The following SMPD3 variants were observed in gnomAD, a reference collection of about 807,000 sequenced individuals.
SMPD3 encodes sphingomyelin phosphodiesterase 3, also known as nSMase-2.
In SMPD3, 21 loss-of-function variants were observed where a neutral mutation model predicts 55.7. The ratio of observed to expected loss-of-function variants is 0.38; its 90% CI spans 0.27 to 0.54. The LOEUF is 0.54. Among genes scored for constraint, SMPD3 ranks in the 20% least tolerant of loss-of-function variants. The pLI is 0.80. For missense variants in SMPD3, 842 were observed against 899.6 expected (o/e 0.94, Z 0.82); for synonymous variants, 457 against 404.3 (o/e 1.13, Z -1.56).
Position 68,361,586 on chromosome 16 carries a change from G to A in SMPD3, c.1866+17C>T. 1 of 1,604,702 alleles carries A rather than the reference G, an allele frequency of 6.2e-7. No homozygotes were observed. The highest frequency in any genetic ancestry group is 8.5e-7 in the Non-Finnish European group (1 of 1,179,736). On this transcript the variant is annotated intron_variant, in intron 8 of 8. Transcript: ENST00000219334. ...CTCTCTTTGCATGGCCCTGGCTGCT[G>A]GGCCCTCCTGACTCACGGCCTTCCA...
chr16:68,366,140 G>A (rs1236350760), intron 3 of SMPD3, among the ~76,000 whole-genome samples: 1 of 152,222 alleles, frequency 6.6e-6, no homozygotes, highest in Non-Finnish European at 1.5e-5. Context: ...AGGACACACT[G>A]CCTCTCCCAG....
In SMPD3 at chr16:68,361,199, G is replaced by T. The variant is rs774301260; in HGVS notation, c.*7C>A. ...GGGCTGGCAGAGGCCCCGCTGCTCCGGACGGTCTATGCCTCCTCCTCCCCC... is the reference window on the plus strand; with the variant it reads ...GGGCTGGCAGAGGCCCCGCTGCTCCTGACGGTCTATGCCTCCTCCTCCCCC... On this transcript the variant is annotated 3_prime_UTR_variant, in exon 9 of 9. Coordinates refer to ENST00000219334, the MANE Select transcript of SMPD3 (RefSeq NM_018667.4). 1 of 1,612,276 alleles carries T rather than the reference G, an allele frequency of 6.2e-7. No homozygotes were observed. The highest frequency in any genetic ancestry group is 1.1e-5 in the South Asian group (1 of 90,730).
At chr16:68,366,869 G>A (rs531534670) in intron 3 of SMPD3, among the ~76,000 whole-genome samples, 31 of 152,264 alleles carry the variant, frequency 2.0e-4, no homozygotes, top group Admixed American at 5.9e-4. Context: ...TTAGCCGGGC[G>A]TGGTGGTATG....
chr16:68,383,321 C>T (rs564806626), intron 2 of SMPD3, among the ~76,000 whole-genome samples: 1 of 152,296 alleles, frequency 6.6e-6, no homozygotes, highest in Middle Eastern at 3.4e-3. Context: ...CCTGAGGCTG[C>T]CTGCCCTCCC....
At chr16:68,420,045 G>A (rs1306716708) in intron 1 of SMPD3, among the ~76,000 whole-genome samples, 1 of 149,792 alleles carries the variant, frequency 6.7e-6, no homozygotes, top group Non-Finnish European at 1.5e-5. Flanking sequence ...GTGCAGTGGT[G>A]TGATCTTGGC....
intron 7 of SMPD3, 148 bp downstream of exon 7, chr16:68,363,348 C>CA: frequency 1.1e-6 from 1 of 875,168 alleles, no homozygotes; most frequent in Non-Finnish European, 1.8e-6. Flanking sequence ...CTCTCAAAAG[C>CA]TCTCAAAGGT....
intron 1 of SMPD3, among the ~76,000 whole-genome samples, chr16:68,414,796 G>A (rs1462693459): frequency 6.6e-6 from 1 of 152,218 alleles, no homozygotes; most frequent in Non-Finnish European, 1.5e-5. Flanking sequence ...GGGAGGGGAA[G>A]GCTCAGAGGC....
intron 1 of SMPD3, among the ~76,000 whole-genome samples, chr16:68,419,731 A>AATG (rs530416249): frequency 4.2e-4 from 64 of 152,200 alleles, no homozygotes; most frequent in Non-Finnish European, 6.0e-4. Flanking sequence ...AACCCCATGT[A>AATG]ATGATGATGA....
intron 1 of SMPD3, among the ~76,000 whole-genome samples, chr16:68,435,555 C>T (rs920146256): frequency 5.3e-5 from 8 of 152,016 alleles, no homozygotes; most frequent in African/African-American, 1.7e-4. Flanking sequence ...CTGCCGAGGG[C>T]CACAGACAGG....
chr16:68,440,817 T>A (rs1408602386), intron 1 of SMPD3, among the ~76,000 whole-genome samples: 1 of 152,244 alleles, frequency 6.6e-6, no homozygotes, highest in Non-Finnish European at 1.5e-5. Flanking sequence ...CCCTGAGGAA[T>A]CTGGGAGTCC....
intron 1 of SMPD3, among the ~76,000 whole-genome samples, chr16:68,433,175 T>G (rs1252440681): frequency 6.6e-6 from 1 of 152,224 alleles, no homozygotes; most frequent in East Asian, 1.9e-4. Context: ...TTGGTTTTAT[T>G]TTTGGATGGC....
chr16:68,436,910 T>G (rs1260786930), intron 1 of SMPD3, among the ~76,000 whole-genome samples: 4 of 152,246 alleles, frequency 2.6e-5, no homozygotes, highest in African/African-American at 7.2e-5. Flanking sequence ...TCTACTCTGC[T>G]ACCCCAGGTT....
At chr16:68,363,468 G>A (rs750405136) in intron 7 of SMPD3, 28 bp downstream of exon 7, 7 of 1,613,266 alleles carry the variant, frequency 4.3e-6, no homozygotes, top group South Asian at 1.1e-5. Context: ...GGTGTGCCTC[G>A]TCCCTGGCCT....
chr16:68,409,844 A>G (rs1462590682), intron 1 of SMPD3, among the ~76,000 whole-genome samples: 3 of 152,182 alleles, frequency 2.0e-5, no homozygotes, highest in Non-Finnish European at 4.4e-5. Context: ...TGCCCGCCTC[A>G]GCTTCCCAAA....
chr16:68,387,786 C>T (rs1422358153), intron 1 of SMPD3, among the ~76,000 whole-genome samples: 4 of 152,226 alleles, frequency 2.6e-5, no homozygotes, highest in Non-Finnish European at 4.4e-5. Context: ...CACCGCATCC[C>T]TTAGGTACAC....
At chr16:68,372,550 A>G (rs889615792) in intron 2 of SMPD3, among the ~76,000 whole-genome samples, 163 bp from the exon 3 acceptor site, 3 of 152,162 alleles carry the variant, frequency 2.0e-5, no homozygotes, top group African/African-American at 7.2e-5. Flanking sequence ...TGGCTGGGAG[A>G]CAGCCCCCGC....
intron 2 of SMPD3, among the ~76,000 whole-genome samples, chr16:68,379,023 A>C (rs2089888423): frequency 6.6e-6 from 1 of 152,238 alleles, no homozygotes; most frequent in Admixed American, 6.5e-5. Context: ...TCCTTGCTCT[A>C]GTCCCTTTGA....
chr16:68,433,307 C>T (rs556489885), intron 1 of SMPD3, among the ~76,000 whole-genome samples: 1 of 152,362 alleles, frequency 6.6e-6, no homozygotes, highest in Admixed American at 6.5e-5. Context: ...CCCTGCCTCA[C>T]ACTCAATCCA....
intron 1 of SMPD3, among the ~76,000 whole-genome samples, chr16:68,400,045 G>T (rs1354151876): frequency 6.6e-6 from 1 of 152,190 alleles, no homozygotes; most frequent in Non-Finnish European, 1.5e-5. Context: ...AGGCCCAGAG[G>T]GGTAAAGCAT....
Sources: allele counts gnomAD v4.1 joint callset (sites outside exome capture counted in the v4.1 genomes callset), GRCh38; gene constraint gnomAD v4.1.1; transcripts MANE v1.5; gene names NCBI Gene and HGNC (gene_info 2026-07-23, HGNC 2026-07-21).